The following KDM4C variants were observed in gnomAD, a reference collection of about 807,000 sequenced individuals.
KDM4C encodes the protein lysine-specific demethylase 4C.
KDM4C carries 81 observed loss-of-function variants against 129.3 expected under a neutral mutation model. That is an observed-to-expected ratio of 0.63 (90% CI 0.52 to 0.75). The LOEUF is 0.75. KDM4C is among the 30% of genes least tolerant of loss of function. The pLI is 0.00. For synonymous variants in KDM4C, 573 were observed against 456.1 expected, an observed-to-expected ratio of 1.26 and a Z score of -3.26; for missense variants, 1,457 against 1,304.0, an observed-to-expected ratio of 1.12 and a Z score of -1.81.
At chr9:6,955,909 C>T (rs1218798222) in intron 8 of KDM4C, among the ~76,000 whole-genome samples, 1 of 152,218 alleles carries the variant, frequency 6.6e-6, no homozygotes, top group African/African-American at 2.4e-5. Context: ...GAGCACAATA[C>T]AACCAGTTGT....
At chr9:7,076,429 T>G (rs1053681735) in intron 17 of KDM4C, 3 of 1,546,312 alleles carry the variant, frequency 1.9e-6, no homozygotes, top group Non-Finnish European at 2.6e-6. Context: ...CATTGTGTTT[T>G]TCAGGGAAGG....
chr9:6,859,918 G>T (rs909089358), intron 5 of KDM4C, among the ~76,000 whole-genome samples: 1 of 151,316 alleles, frequency 6.6e-6, no homozygotes, highest in Non-Finnish European at 1.5e-5. Flanking sequence ...GGTTTATCTA[G>T]TTATTAATAA....
chr9:6,941,660 A>C (rs777718144), intron 8 of KDM4C: 4 of 151,976 alleles, frequency 2.6e-5, no homozygotes, highest in African/African-American at 9.7e-5. Context: ...TGTCAGATCT[A>C]TGCCACTGCC....
intron 1 of KDM4C, among the ~76,000 whole-genome samples, chr9:6,790,801 A>C (rs1826428410): frequency 6.6e-6 from 1 of 151,626 alleles, no homozygotes; most frequent in African/African-American, 2.4e-5. Context: ...AGTGCTTCTT[A>C]CTTACCTTTG....
chr9:6,828,727 C>T (rs1284161667), intron 4 of KDM4C, among the ~76,000 whole-genome samples: 2 of 151,912 alleles, frequency 1.3e-5, no homozygotes, highest in South Asian at 2.1e-4. Context: ...TAAAATTAGC[C>T]GGGCGTGGTG....
At chr9:6,839,282 T>A (rs2129759569) in intron 4 of KDM4C, among the ~76,000 whole-genome samples, 2 of 151,992 alleles carry the variant, frequency 1.3e-5, no homozygotes, top group East Asian at 3.9e-4. Flanking sequence ...CAGGCTAGAG[T>A]GCAGTAGCGC....
Position 7,175,278 on chromosome 9 carries a change from C to G in KDM4C, c.*549C>G, listed in dbSNP as rs1845339961. The G allele has an allele frequency of 6.5e-6, 1 of 152,684 alleles. No individual in the cohort carries two copies. The highest frequency in any genetic ancestry group is 6.5e-5 in the Admixed American group (1 of 15,274). The allele number at this position is 152,684 out of a possible 1,614,324, so 9.5% of individuals were successfully genotyped here. ...TTTACCCGTGTGCTATCTGTATTTC[C>G]CTTGTACAGAACTTTTACATTTTTG... On this transcript the variant is annotated 3_prime_UTR_variant, in exon 22 of 22. Coordinates refer to ENST00000381309, the MANE Select transcript of KDM4C (RefSeq NM_015061.6).
At chr9:6,964,792 A>G (rs1207234960) in intron 8 of KDM4C, among the ~76,000 whole-genome samples, 1 of 150,528 alleles carries the variant, frequency 6.6e-6, no homozygotes, top group Admixed American at 6.6e-5. Flanking sequence ...AAAAAAAAAA[A>G]AAAAAAAAAC....
At position 7,165,245 on chromosome 9, in the gene KDM4C, A is replaced by G. The variant is rs1334190571; in HGVS notation, c.2789A>G (p.Asp930Gly). The stretch of plus-strand genomic sequence containing the variant: ...TCTCTGTTTATTCTGCAGAGCCGAG[A>G]CTGTCTGAAGCTGGGCCCACCTGCT... ...DTFPEDIVSR[D>G]CLKLGPPAEG... Residue 930 changes from aspartate (D) to glycine (G), a missense_variant, in exon 20 of 22, where the codon GAC becomes GGC. Asp to Gly is a moderately conservative substitution (Grantham distance 94). Coordinates refer to ENST00000381309, the MANE Select transcript of KDM4C (RefSeq NM_015061.6). 1 of 1,614,118 alleles carries G rather than the reference A, an allele frequency of 6.2e-7. No individual in the cohort carries two copies. The highest frequency in any genetic ancestry group is 2.2e-5 in the East Asian group (1 of 44,870).
At chr9:7,029,636 A>T (rs1826393517) in intron 15 of KDM4C, among the ~76,000 whole-genome samples, 1 of 152,124 alleles carries the variant, frequency 6.6e-6, no homozygotes, top group African/African-American at 2.4e-5. Flanking sequence ...GTGTAAGATT[A>T]TTTTTTAATT....
chr9:6,811,340 A>T (rs1191127229), intron 3 of KDM4C, among the ~76,000 whole-genome samples: 1 of 152,002 alleles, frequency 6.6e-6, no homozygotes, highest in African/African-American at 2.4e-5. Flanking sequence ...ATTTTAATGG[A>T]GATGGGGTTT....
chr9:6,746,830 A>C (rs1353577732), intron 1 of KDM4C, among the ~76,000 whole-genome samples: 1 of 149,250 alleles, frequency 6.7e-6, no homozygotes, highest in Non-Finnish European at 1.5e-5. Context: ...AACACGGTGA[A>C]ACCGTCTCTA....
chr9:7,174,437 G>C (rs1845261019), intron 21 of KDM4C, 116 bp from the exon 22 acceptor site: 4 of 931,080 alleles, frequency 4.3e-6, no homozygotes, highest in Admixed American at 4.3e-5. Flanking sequence ...CTTTTAGCCT[G>C]AGCTGGTGAC....
intron 17 of KDM4C, among the ~76,000 whole-genome samples, chr9:7,098,497 G>T (rs575954924): frequency 6.6e-6 from 1 of 152,138 alleles, no homozygotes; most frequent in Non-Finnish European, 1.5e-5. Flanking sequence ...AGAGACAGAG[G>T]ACTTATCATG....
At chr9:7,105,450 A>C (rs186744677) in intron 18 of KDM4C, 2 of 470,844 alleles carry the variant, frequency 4.2e-6, no homozygotes, top group Non-Finnish European at 8.8e-6. Context: ...TATTGCTACT[A>C]CTACTTCTGC....
intron 17 of KDM4C, among the ~76,000 whole-genome samples, chr9:7,077,818 C>A (rs1015947737): frequency 5.3e-5 from 8 of 152,216 alleles, no homozygotes; most frequent in African/African-American, 1.4e-4. Context: ...AGATGTCTAT[C>A]TAATTTCTGT....
Position 7,170,673 on chromosome 9 carries a change from T to A in KDM4C, c.2994+783T>A, listed in dbSNP as rs146512344. 474 of 972,996 alleles carry A rather than the reference T, an allele frequency of 4.9e-4. 5 individuals are homozygous for A. The African/African-American group carries it at 7.7e-3, about 16-fold the overall frequency. 60.3% of individuals were successfully genotyped at this position (972,996 alleles called of 1,614,324 possible). On this transcript the variant is annotated intron_variant, in intron 21 of 21. Coordinates refer to ENST00000381309, the MANE Select transcript of KDM4C (RefSeq NM_015061.6). ...AATGATAAATCCTAAATAGAGAAAT[T>A]TGAATGGATGGGGTTTTTCTGACTA...
intron 15 of KDM4C, among the ~76,000 whole-genome samples, chr9:7,034,704 T>C (rs1827338266): frequency 6.6e-6 from 1 of 152,256 alleles, no homozygotes; most frequent in African/African-American, 2.4e-5. Context: ...GTAGTGGTAT[T>C]GCTGTATCAT....
At chr9:6,997,115 C>T (rs992491943) in intron 12 of KDM4C, among the ~76,000 whole-genome samples, 2 of 152,144 alleles carry the variant, frequency 1.3e-5, no homozygotes, top group Non-Finnish European at 2.9e-5. Flanking sequence ...CAGCACCTGC[C>T]GCATGGAGGA....
Sources: gnomAD v4.1 joint callset for allele counts (sites outside exome capture counted in the v4.1 genomes callset) on GRCh38, gnomAD v4.1.1 for gene constraint, MANE v1.5 for transcripts, NCBI Gene and HGNC (gene_info 2026-07-23, HGNC 2026-07-21) for gene names.